PLEKHG7: variants seen among roughly 807,000 people sequenced by gnomAD.
PLEKHG7 encodes pleckstrin homology domain-containing family G member 7.
A neutral mutation model predicts 85.2 loss-of-function variants in PLEKHG7; 77 were observed. That is an observed-to-expected ratio of 0.90 (90% CI 0.75 to 1.09). The LOEUF (loss-of-function observed/expected upper bound fraction) is 1.09, where lower values mean the gene tolerates loss of function less well. Ranked by LOEUF, PLEKHG7 falls within the 50% of genes least tolerant of loss-of-function variation. The probability of loss-of-function intolerance (pLI) is 0.00; values close to 1 mark genes in which losing one functional copy is unlikely to be tolerated. For missense variants in PLEKHG7, 777 were observed against 804.3 expected (o/e 0.97, Z 0.41); for synonymous variants, 301 against 302.4 (o/e 1.00, Z 0.05).
intron 3 of PLEKHG7, 196 bp downstream of exon 3, chr12:92,707,868 T>G: frequency 1.2e-6 from 1 of 856,084 alleles, no homozygotes; most frequent in Non-Finnish European, 1.8e-6. Flanking sequence ...AGCACAGCAT[T>G]TGGGGGCAGG....
At chr12:92,739,149 T>A (rs1592680946) in intron 7 of PLEKHG7, among the ~76,000 whole-genome samples, 1 of 152,256 alleles carries the variant, frequency 6.6e-6, no homozygotes, top group Non-Finnish European at 1.5e-5. Flanking sequence ...CACAGCCTGG[T>A]TGCTATCCTT....
chr12:92,740,912 A>G lies in PLEKHG7; in HGVS notation c.999A>G (p.Leu333=), dbSNP rs771936684. ...ATGAATATCTCCTAGATGTGGATTT[A>G]TGGAGACTTTTTGCAAACCTGGAGG... is the stretch of plus-strand genomic sequence containing the variant. ...QTHEYLLDVD[L]WRLFANLEEL... Residue 333 remains leucine, a synonymous_variant, in exon 8 of 17, where the codon TTA becomes TTG. Coordinates refer to ENST00000344636, the MANE Select transcript of PLEKHG7 (RefSeq NM_001377329.1). 10 of 1,612,418 alleles carry G rather than the reference A, an allele frequency of 6.2e-6. No homozygotes were observed. Among genetic ancestry groups the G allele is most frequent in the Non-Finnish European group, 7.6e-6 (9 of 1,178,934 alleles).
At chr12:92,707,297 C>T (rs1156485393) in intron 2 of PLEKHG7, 159 bp downstream of exon 2, 2 of 1,431,884 alleles carry the variant, frequency 1.4e-6, no homozygotes, top group Non-Finnish European at 1.8e-6. Context: ...AGCATTGGCT[C>T]TTAAGTGAAA....
chr12:92,716,264 T>C (rs1871491415), intron 3 of PLEKHG7, among the ~76,000 whole-genome samples: 1 of 152,086 alleles, frequency 6.6e-6, no homozygotes, highest in African/African-American at 2.4e-5. Context: ...ACCCGGCTAA[T>C]TTTTGTGTTT....
intron 15 of PLEKHG7, among the ~76,000 whole-genome samples, chr12:92,767,821 G>A (rs1873252473): frequency 6.6e-6 from 1 of 152,140 alleles, no homozygotes; most frequent in Admixed American, 6.6e-5. Flanking sequence ...TATGTCACTT[G>A]CTCACTTTTT....
chr12:92,729,856 C>T (rs1871932862), intron 4 of PLEKHG7, among the ~76,000 whole-genome samples: 1 of 152,084 alleles, frequency 6.6e-6, no homozygotes, highest in African/African-American at 2.4e-5. Context: ...GAGATGAGCC[C>T]CAAAGACTCA....
intron 13 of PLEKHG7, among the ~76,000 whole-genome samples, chr12:92,756,604 A>G (rs1592687021): frequency 6.6e-6 from 1 of 152,320 alleles, no homozygotes; most frequent in East Asian, 1.9e-4. Flanking sequence ...TTCTCTCTGT[A>G]ATGGGATAAC....
chr12:92,756,006 C>T, intron 12 of PLEKHG7, 66 bp downstream of exon 12: 4 of 1,100,682 alleles, frequency 3.6e-6, no homozygotes, highest in Middle Eastern at 4.2e-4. Flanking sequence ...GATAGAAATA[C>T]AATCATCTTA....
chr12:92,718,893 G>A (rs918769315), intron 3 of PLEKHG7, among the ~76,000 whole-genome samples: 8 of 152,164 alleles, frequency 5.3e-5, no homozygotes, highest in African/African-American at 1.9e-4. Flanking sequence ...ACAGTACATG[G>A]CATTTCTCAC....
intron 15 of PLEKHG7, among the ~76,000 whole-genome samples, chr12:92,767,723 C>T (rs1484773731): frequency 6.6e-6 from 1 of 152,190 alleles, no homozygotes; most frequent in East Asian, 1.9e-4. Flanking sequence ...AGAAGCCCAA[C>T]AGCCCCTCAG....
intron 10 of PLEKHG7, among the ~76,000 whole-genome samples, chr12:92,747,971 G>A (rs1172037501): frequency 6.6e-6 from 1 of 152,192 alleles, no homozygotes; most frequent in Non-Finnish European, 1.5e-5. Flanking sequence ...TCTAGTGCAT[G>A]ATAACCCACT....
chr12:92,715,018 G>GGATAGATAGACAGATA (rs1051401355), intron 3 of PLEKHG7, among the ~76,000 whole-genome samples: 31 of 147,426 alleles, frequency 2.1e-4, no homozygotes, highest in African/African-American at 7.8e-4. Flanking sequence ...AGAACTAATG[G>GGATAGATAGACAGATA]GATAGATAGA....
chr12:92,754,205 T>A lies in PLEKHG7; in HGVS notation c.1367T>A (p.Met456Lys), dbSNP rs1455722466. The A allele has an allele frequency of 6.2e-7, 1 of 1,613,918 alleles. No homozygotes were observed. Among genetic ancestry groups the A allele is most frequent in the South Asian group, 1.1e-5 (1 of 91,080 alleles). The change falls in exon 11 of 17, where the codon ATG becomes AAG. Residue 456 changes from methionine (M) to lysine (K), a missense_variant. Coordinates refer to ENST00000344636, the MANE Select transcript of PLEKHG7 (RefSeq NM_001377329.1). ...LLLKNIWKRS[M>K]DSAEKIMIYS... Reference sequence around the variant, plus strand: ...CTGAAGAATATCTGGAAAAGGAGCATGGACTCTGCTGAGAAAATCATGATC... The same window carrying A: ...CTGAAGAATATCTGGAAAAGGAGCAAGGACTCTGCTGAGAAAATCATGATC...
intron 9 of PLEKHG7, among the ~76,000 whole-genome samples, chr12:92,743,749 G>A (rs540233948): frequency 8.1e-4 from 123 of 152,184 alleles, no homozygotes; most frequent in African/African-American, 2.6e-3. Flanking sequence ...TAGTAGAAAC[G>A]GGGTTTCATC....
At chr12:92,716,762 GT>G (rs1448193412) in intron 3 of PLEKHG7, among the ~76,000 whole-genome samples, 3 of 152,170 alleles carry the variant, frequency 2.0e-5, no homozygotes, top group Non-Finnish European at 2.9e-5. Context: ...ACTATATTGT[GT>G]TTCTTTTAAA....
rs531442694 is a variant in PLEKHG7, at chr12:92,725,320, G to T, written c.531-3673G>T. ...GGTAAATGGAGCCAGATCACGGAAGGCTTGTGTTTGTGCTTTAAAAATGTG... is the reference window on the plus strand; with the variant it reads ...GGTAAATGGAGCCAGATCACGGAAGTCTTGTGTTTGTGCTTTAAAAATGTG... On this transcript the variant is annotated intron_variant, in intron 3 of 16. Transcript: ENST00000344636. Among the ~76,000 whole-genome samples the T allele has an allele frequency of 1.3e-4, 20 of 152,296 alleles. No individual in the cohort carries two copies. In the South Asian group the frequency reaches 1.9e-3, roughly 14 times the overall value.
rs767284813 is a variant in PLEKHG7 at position 92,761,626 on chromosome 12, G to A, written c.1637-126G>A. On this transcript the variant is annotated intron_variant, in intron 13 of 16. Coordinates refer to ENST00000344636, the MANE Select transcript of PLEKHG7 (RefSeq NM_001377329.1). ...GAAAGAAAAAGAAAGAAAGAAAGAA[G>A]AAAGAAAGAAAGAAAGAAAGAAAGA... is the stretch of plus-strand genomic sequence containing the variant. 1.1e-3 allele frequency: 75 copies of A among 65,472 alleles called. 1 individual carries two copies. The African/African-American group carries it at 0.02, about 18-fold the overall frequency. 4.1% of individuals were successfully genotyped at this position (65,472 alleles called of 1,614,324 possible).
intron 3 of PLEKHG7, among the ~76,000 whole-genome samples, chr12:92,716,708 G>A (rs77276573): frequency 0.01 from 1,557 of 152,314 alleles, 29 homozygotes; most frequent in African/African-American, 0.033. Flanking sequence ...TCCCTTTTGG[G>A]TTTCCCCGCA....
At chr12:92,745,794 T>A (rs908405969) in intron 10 of PLEKHG7, among the ~76,000 whole-genome samples, 1 of 152,232 alleles carries the variant, frequency 6.6e-6, no homozygotes, top group African/African-American at 2.4e-5. Flanking sequence ...TCTGGAAAGA[T>A]TATATTATCT....
Sources: allele counts gnomAD v4.1 joint callset (sites outside exome capture counted in the v4.1 genomes callset), GRCh38; gene constraint gnomAD v4.1.1; transcripts MANE v1.5; gene names NCBI Gene and HGNC (gene_info 2026-07-23, HGNC 2026-07-21).